PCED1B: variants seen among roughly 807,000 people sequenced by gnomAD.
The protein encoded by PCED1B is PC-esterase domain containing 1B, also known as PC-esterase domain-containing protein 1B.
For synonymous variants in PCED1B, 251 were observed against 246.1 expected, an observed-to-expected ratio of 1.02 and a Z score of -0.19; for missense variants, 573 against 573.9, an observed-to-expected ratio of 1.00 and a Z score of 0.02.
At chr12:47,221,980 G>C (rs1943489923) in intron 3 of PCED1B, among the ~76,000 whole-genome samples, 1 of 151,950 alleles carries the variant, frequency 6.6e-6, no homozygotes. Flanking sequence ...ATGCACACTT[G>C]TGGTCCCAAC....
chr12:47,113,259 C>A (rs753384026), intron 2 of PCED1B, among the ~76,000 whole-genome samples: 1 of 152,158 alleles, frequency 6.6e-6, no homozygotes, highest in Non-Finnish European at 1.5e-5. Flanking sequence ...TATGGAAATT[C>A]AGAAGATGGG....
chr12:47,099,714 A>G (rs1938623320), intron 1 of PCED1B, among the ~76,000 whole-genome samples: 1 of 152,186 alleles, frequency 6.6e-6, no homozygotes, highest in Non-Finnish European at 1.5e-5. Context: ...GGAAATTACT[A>G]TTAGCTTTTC....
intron 2 of PCED1B, among the ~76,000 whole-genome samples, chr12:47,132,195 T>G (rs1479230396): frequency 6.6e-6 from 1 of 152,176 alleles, no homozygotes; most frequent in East Asian, 1.9e-4. Context: ...ACTCTCTCAT[T>G]TGCATGTGAG....
At chr12:47,129,121 CT>C (rs1261975946) in intron 2 of PCED1B, among the ~76,000 whole-genome samples, 9 of 152,182 alleles carry the variant, frequency 5.9e-5, no homozygotes, top group Admixed American at 3.9e-4. Context: ...CTTCTGCTTT[CT>C]GCCTTCCTTT....
rs1482006681 is a variant in PCED1B at position 47,176,403 on chromosome 12, AC to A, written c.-525-39817del. Among the ~76,000 whole-genome samples the A allele has an allele frequency of 7.9e-5, 12 of 152,206 alleles. 1 individual carries two copies. The highest frequency in any genetic ancestry group is 4.6e-4 in the Admixed American group (7 of 15,292). On this transcript the variant is annotated intron_variant, in intron 2 of 3. Transcript: ENST00000546455. ...GTAGGTTCTTGGATGAAGGCTGGAC[AC>A]CAGAAAAACCAAGCCATGATTAGAA...
chr12:47,234,957 G>T, intron 3 of PCED1B, 50 bp from the exon 4 acceptor site: 3 of 1,047,022 alleles, frequency 2.9e-6, no homozygotes, highest in Non-Finnish European at 2.7e-6. Flanking sequence ...TGCACTGGGC[G>T]CTCCGCCCAG....
rs936380313 is a variant in PCED1B, at chr12:47,219,361, G to A, written c.-58+2672G>A. Among the ~76,000 whole-genome samples, 6 of 152,140 alleles carry A rather than the reference G, an allele frequency of 3.9e-5. No individual in the cohort carries two copies. In the East Asian group the frequency reaches 5.8e-4, roughly 15 times the overall value. ...CAAAGATAAAGTAAGCATTAGAGGT[G>A]GAAGAAATCCAGGCCTGCTGACTCA... On this transcript the variant is annotated intron_variant, in intron 3 of 3. Transcript: ENST00000546455.
intron 3 of PCED1B, among the ~76,000 whole-genome samples, chr12:47,217,734 T>C (rs2543740): frequency 1.3e-5 from 2 of 151,418 alleles, no homozygotes; most frequent in South Asian, 4.2e-4. Context: ...GCGACACCAC[T>C]CCCAGCTAAT....
chr12:47,199,134 G>A (rs1302448659), intron 2 of PCED1B, among the ~76,000 whole-genome samples: 1 of 151,990 alleles, frequency 6.6e-6, no homozygotes, highest in Non-Finnish European at 1.5e-5. Context: ...TGAACAACTG[G>A]AATTTGAAAT....
At chr12:47,099,266 A>T (rs555497965) in intron 1 of PCED1B, among the ~76,000 whole-genome samples, 15 of 152,334 alleles carry the variant, frequency 9.8e-5, no homozygotes, top group African/African-American at 3.4e-4. Flanking sequence ...ATCAGTTGTA[A>T]TCTATTTCAG....
chr12:47,085,680 CATAG>C (rs1431129228), intron 1 of PCED1B, among the ~76,000 whole-genome samples: 3 of 152,082 alleles, frequency 2.0e-5, no homozygotes, highest in Non-Finnish European at 2.9e-5. Flanking sequence ...ATATGGTATG[CATAG>C]ATAATCAAAT....
At chr12:47,210,914 G>A (rs1943057704) in intron 2 of PCED1B, among the ~76,000 whole-genome samples, 1 of 152,034 alleles carries the variant, frequency 6.6e-6, no homozygotes, top group Non-Finnish European at 1.5e-5. Context: ...ATACTTAAAA[G>A]CCTACTATTT....
intron 2 of PCED1B, among the ~76,000 whole-genome samples, chr12:47,181,365 C>A (rs1252440095): frequency 1.4e-5 from 2 of 140,500 alleles, no homozygotes; most frequent in African/African-American, 2.7e-5. Context: ...GAGATAGATT[C>A]TTTCATTATT....
At chr12:47,125,863 T>A (rs887561134) in intron 2 of PCED1B, among the ~76,000 whole-genome samples, 1 of 152,086 alleles carries the variant, frequency 6.6e-6, no homozygotes, top group Non-Finnish European at 1.5e-5. Context: ...TATCCCACAA[T>A]TTTGCTTAAC....
At chr12:47,098,883 GTC>G (rs1938588612) in intron 1 of PCED1B, among the ~76,000 whole-genome samples, 1 of 152,220 alleles carries the variant, frequency 6.6e-6, no homozygotes, top group Admixed American at 6.5e-5. Flanking sequence ...TTGAGTTTCA[GTC>G]TCTCTCTTTC....
At chr12:47,168,211 G>C (rs183233419) in intron 2 of PCED1B, among the ~76,000 whole-genome samples, 230 of 152,308 alleles carry the variant, frequency 1.5e-3, no homozygotes, top group African/African-American at 5.3e-3. Context: ...ATTTTTTAGA[G>C]AGTAGGTCTT....
At chr12:47,137,770 A>C (rs1311777677) in intron 2 of PCED1B, among the ~76,000 whole-genome samples, 1 of 151,470 alleles carries the variant, frequency 6.6e-6, no homozygotes, top group African/African-American at 2.4e-5. Context: ...AAAACAACCC[A>C]AAAAACAAAA....
At chr12:47,223,620 G>GA (rs1355737929) in intron 3 of PCED1B, 1 of 152,254 alleles carries the variant, frequency 6.6e-6, no homozygotes, top group Non-Finnish European at 1.5e-5. Flanking sequence ...CTCACTGGGG[G>GA]ATATCCGGGA....
intron 2 of PCED1B, among the ~76,000 whole-genome samples, chr12:47,169,334 CTG>C (rs1401553500): frequency 6.6e-6 from 1 of 152,156 alleles, no homozygotes; most frequent in Non-Finnish European, 1.5e-5. Flanking sequence ...GTCCTTCTCT[CTG>C]AGTATCAGGA....
Sources: gnomAD v4.1 joint callset for allele counts (sites outside exome capture counted in the v4.1 genomes callset) on GRCh38, gnomAD v4.1.1 for gene constraint, MANE v1.5 for transcripts, NCBI Gene and HGNC (gene_info 2026-07-23, HGNC 2026-07-21) for gene names.